The following DZANK1 variants were observed in gnomAD, a reference collection of about 807,000 sequenced individuals.
DZANK1 encodes double zinc ribbon and ankyrin repeat domains 1.
In DZANK1, 91 loss-of-function variants were observed where a neutral mutation model predicts 94.5. That is an observed-to-expected ratio of 0.96 (90% CI 0.81 to 1.15). The LOEUF is 1.15. DZANK1 is among the 50% of genes most tolerant of loss of function. The pLI is 0.00. For missense variants in DZANK1, 903 were observed against 916.4 expected (o/e 0.99, Z 0.19); for synonymous variants, 312 against 325.3 (o/e 0.96, Z 0.44).
In DZANK1 at chr20:18,427,164, A is replaced by G. The variant is rs374827567; in HGVS notation, c.862-5T>C. On this transcript the variant is annotated splice_polypyrimidine_tract_variant and splice_region_variant and intron_variant, in intron 9 of 20. Transcript: ENST00000262547. ...GGCCCGGCAAATTACCTTCTCCTTAACAACAAAAAATAAGACATACATGTT... is the reference window on the plus strand; with the variant it reads ...GGCCCGGCAAATTACCTTCTCCTTAGCAACAAAAAATAAGACATACATGTT... 3 of 1,610,082 alleles carry G rather than the reference A, an allele frequency of 1.9e-6. No individual in the cohort carries two copies. Among genetic ancestry groups the G allele is most frequent in the African/African-American group, 1.3e-5 (1 of 74,808 alleles).
intron 12 of DZANK1, among the ~76,000 whole-genome samples, chr20:18,413,634 G>T (rs2057359281): frequency 2.0e-5 from 3 of 152,076 alleles, no homozygotes. Context: ...ACAAAAATTA[G>T]CCGGGCATGG....
At chr20:18,395,369 A>G (rs2056277802) in intron 15 of DZANK1, among the ~76,000 whole-genome samples, 1 of 152,212 alleles carries the variant, frequency 6.6e-6, no homozygotes, top group Admixed American at 6.5e-5. Context: ...CTCAAAACAA[A>G]GCAAAACAAA....
intron 11 of DZANK1, 126 bp downstream of exon 11, chr20:18,415,201 G>A: frequency 1.0e-6 from 1 of 965,040 alleles, no homozygotes; most frequent in East Asian, 3.0e-5. Flanking sequence ...CAGATTCTTA[G>A]GTTATAGGTA....
intron 9 of DZANK1, among the ~76,000 whole-genome samples, chr20:18,428,024 G>A (rs1207674203): frequency 1.3e-5 from 2 of 151,336 alleles, no homozygotes; most frequent in Admixed American, 1.3e-4. Context: ...GGTGGTGGGC[G>A]CCTGTAGTCC....
chr20:18,434,378 C>G (rs921244837), intron 8 of DZANK1, among the ~76,000 whole-genome samples: 1 of 151,652 alleles, frequency 6.6e-6, no homozygotes, highest in Non-Finnish European at 1.5e-5. Context: ...AACCCCAGCT[C>G]TACTAAAAAT....
rs76493329 is a variant in DZANK1, at chr20:18,405,479, T to C, written c.1433-6853A>G. Among the ~76,000 whole-genome samples the C allele has an allele frequency of 7.5e-3, 1,136 of 152,254 alleles. 10 individuals carry two copies. The highest frequency in any genetic ancestry group is 0.034 in the Middle Eastern group (10 of 294). On this transcript the variant is annotated intron_variant, in intron 13 of 20. Transcript: ENST00000262547. ...GAGACCCATTGGAAGCTATTGAGCA[T>C]GCCAACATCTACATGAGAATCCCAG... is the stretch of plus-strand genomic sequence containing the variant.
intron 2 of DZANK1, among the ~76,000 whole-genome samples, chr20:18,462,682 G>A (rs1568561339): frequency 6.6e-6 from 1 of 152,186 alleles, no homozygotes; most frequent in Non-Finnish European, 1.5e-5. Flanking sequence ...GTGGAAAGCA[G>A]CTTGGAAATT....
chr20:18,450,928 GAT>G lies in DZANK1; in HGVS notation c.543+1685_543+1686del, dbSNP rs2059076425. ...TGTGTTATAGTAGTAAGAATGCACT[GAT>G]ATGCCTTTTATTTTTATTTTTATTT... On this transcript the variant is annotated intron_variant, in intron 6 of 20. Transcript: ENST00000262547. Among the ~76,000 whole-genome samples the G allele has an allele frequency of 4.6e-5, 7 of 152,236 alleles. No homozygotes were observed. The South Asian group carries it at 1.2e-3, about 27-fold the overall frequency.
exon 11 of DZANK1, chr20:18,415,375 A>G: frequency 6.3e-7 from 1 of 1,596,144 alleles, no homozygotes; most frequent in Non-Finnish European, 8.5e-7. Flanking sequence ...GATTCCAGCG[A>G]CCACATCTGT....
chr20:18,412,911 T>TCTG, intron 12 of DZANK1, 58 bp from the exon 13 acceptor site: 1 of 1,454,700 alleles, frequency 6.9e-7, no homozygotes, highest in South Asian at 1.3e-5. Flanking sequence ...CAATCTTGCA[T>TCTG]TTTACTTATA....
In DZANK1 at chr20:18,397,032, T is replaced by C. The variant is rs555271878; in HGVS notation, c.1537-486A>G. ...AGAAATGTTTTCATGAAGGGTCAGA[T>C]AGTAAATATTTTAGGTCTTGTGGAC... On this transcript the variant is annotated intron_variant, in intron 14 of 20. Transcript: ENST00000262547. Among the ~76,000 whole-genome samples, 13 of 152,328 alleles carry C rather than the reference T, an allele frequency of 8.5e-5. No homozygotes were observed. In the East Asian group the frequency reaches 2.5e-3, roughly 29 times the overall value.
Position 18,391,252 on chromosome 20 carries a change from G to A in DZANK1, c.1810-793C>T, listed in dbSNP as rs551067235. ...ATTTCAAGATCTTTTTTTTTTCTCTGAGATGGAGTCTTGCTCTGTCACCCA... is the reference window on the plus strand; with the variant it reads ...ATTTCAAGATCTTTTTTTTTTCTCTAAGATGGAGTCTTGCTCTGTCACCCA... On this transcript the variant is annotated intron_variant, in intron 17 of 20. Transcript: ENST00000262547. Among the ~76,000 whole-genome samples, 36 of 151,150 alleles carry A rather than the reference G, an allele frequency of 2.4e-4. 1 individual carries two copies. The South Asian group carries it at 7.5e-3, about 31-fold the overall frequency.
chr20:18,411,418 A>T (rs938043153), intron 13 of DZANK1, among the ~76,000 whole-genome samples: 12 of 152,310 alleles, frequency 7.9e-5, no homozygotes, highest in African/African-American at 2.9e-4. Flanking sequence ...GAAAAACACA[A>T]ACTACCAAAA....
At chr20:18,454,904 G>T (rs1005798125) in intron 4 of DZANK1, among the ~76,000 whole-genome samples, 3 of 152,226 alleles carry the variant, frequency 2.0e-5, no homozygotes, top group Non-Finnish European at 4.4e-5. Flanking sequence ...TGGAGTATAT[G>T]TAGGGGGTTG....
chr20:18,396,767 C>G lies in DZANK1; in HGVS notation c.1537-221G>C, dbSNP rs1362214531. 3.9e-5 allele frequency among the ~76,000 whole-genome samples: 6 copies of G among 152,162 alleles called. No homozygotes were observed. The East Asian group carries it at 1.2e-3, about 29-fold the overall frequency. On this transcript the variant is annotated intron_variant, in intron 14 of 20. Coordinates refer to ENST00000262547, the Ensembl canonical transcript of DZANK1. ...ATCCAAATCCAACCATATCTAAACTCTACTAATTATAAATAAACTACTCTA... is the reference window on the plus strand; with the variant it reads ...ATCCAAATCCAACCATATCTAAACTGTACTAATTATAAATAAACTACTCTA...
At chr20:18,426,064 G>A (rs149522784) in intron 10 of DZANK1, among the ~76,000 whole-genome samples, 138 of 152,250 alleles carry the variant, frequency 9.1e-4, no homozygotes, top group Non-Finnish European at 1.6e-3. Flanking sequence ...TAGACCAGGG[G>A]TCCCCAACCC....
At chr20:18,455,844 A>T (rs994778946) in intron 3 of DZANK1, among the ~76,000 whole-genome samples, 1 of 152,172 alleles carries the variant, frequency 6.6e-6, no homozygotes, top group African/African-American at 2.4e-5. Flanking sequence ...GCTTCCTCAC[A>T]GTATGGAAGC....
At chr20:18,438,051 T>A (rs770183103) in intron 8 of DZANK1, among the ~76,000 whole-genome samples, 2 of 151,356 alleles carry the variant, frequency 1.3e-5, no homozygotes. Context: ...ACCCCGTCTC[T>A]ACTAAAAATA....
chr20:18,448,863 T>TTG, intron 7 of DZANK1, 121 bp downstream of exon 7: 3 of 632,566 alleles, frequency 4.7e-6, no homozygotes, highest in East Asian at 3.1e-5. Flanking sequence ...TGAGACTCCG[T>TTG]CTCAAAAAAA....
Sources: allele counts gnomAD v4.1 joint callset (sites outside exome capture counted in the v4.1 genomes callset), GRCh38; gene constraint gnomAD v4.1.1; transcripts MANE v1.5; gene names NCBI Gene and HGNC (gene_info 2026-07-23, HGNC 2026-07-21).